Variants in MCM9 observed in about 807,000 individuals in gnomAD.
The protein encoded by MCM9 is minichromosome maintenance 9 homologous recombination repair factor, also known as DNA helicase MCM9.
MCM9 carries 55 observed loss-of-function variants against 72.8 expected under a neutral mutation model. The observed-to-expected ratio is 0.76, with a 90% CI of 0.61 to 0.95. The LOEUF (loss-of-function observed/expected upper bound fraction) is 0.95. Ranked by LOEUF, MCM9 falls within the 40% of genes least tolerant of loss-of-function variation. The probability of loss-of-function intolerance (pLI) is 0.00; values close to 1 mark genes in which losing one functional copy is unlikely to be tolerated. For missense variants in MCM9, 1,279 were observed against 1,377.0 expected, an observed-to-expected ratio of 0.93 and a Z score of 1.13; for synonymous variants, 480 against 503.4, an observed-to-expected ratio of 0.95 and a Z score of 0.62.
At chr6:118,856,711 T>G (rs141059312) in intron 8 of MCM9, among the ~76,000 whole-genome samples, 166 bp from the exon 9 acceptor site, 1,571 of 152,236 alleles carry the variant, frequency 0.01, 29 homozygotes, top group African/African-American at 0.036. Flanking sequence ...AAACCTTGTC[T>G]CTACAAATAA....
chr6:118,815,392 A>G lies in MCM9; in HGVS notation c.2864T>C (p.Ile955Thr). 7.7e-6 allele frequency: 12 copies of G among 1,550,320 alleles called. No individual in the cohort carries two copies. Among genetic ancestry groups the G allele is most frequent in the Non-Finnish European group, 1.0e-5 (12 of 1,146,716 alleles). Residue 955 changes from isoleucine to threonine, a missense_variant, in exon 14 of 14, where the codon ATT becomes ACT. Ile to Thr is a moderately conservative substitution (Grantham distance 89). Coordinates refer to ENST00000619706, the MANE Select transcript of MCM9 (RefSeq NM_017696.3). ...GTCTCTTCTTGTTCTACGCTGGGAA[A>G]TTTTAGGACTATGAACTGCTATTTT... ...ATKIAVHSPK[I>T]SQRRTRRDAA...
chr6:118,829,652 T>C (rs1774395656), intron 9 of MCM9, among the ~76,000 whole-genome samples: 1 of 152,180 alleles, frequency 6.6e-6, no homozygotes, highest in South Asian at 2.1e-4. Flanking sequence ...TTCATCTATG[T>C]GGATAGAAAA....
Position 118,815,579 on chromosome 6 carries a change from T to C in MCM9, c.2677A>G (p.Arg893Gly). 6.5e-7 allele frequency: 1 copy of C among 1,550,372 alleles called. No homozygotes were observed. The highest frequency in any genetic ancestry group is 8.7e-7 in the Non-Finnish European group (1 of 1,146,886). ...SPDRMLDSPK[R>G]KRPKSLAQVE... Reference sequence around the variant, plus strand: ...TGCGCAAGGGATTTCGGTCTCTTTCTTTTGGGTGAGTCCAGCATTCTGTCT... The same window carrying C: ...TGCGCAAGGGATTTCGGTCTCTTTCCTTTGGGTGAGTCCAGCATTCTGTCT... The change falls in exon 14 of 14, where the codon AGA becomes GGA. Residue 893 changes from arginine to glycine, a missense_variant. Arg to Gly is a moderately radical substitution (Grantham distance 125). Coordinates refer to ENST00000619706, the MANE Select transcript of MCM9 (RefSeq NM_017696.3).
At chr6:118,922,391 AG>A (rs886645275) in intron 4 of MCM9, among the ~76,000 whole-genome samples, 4 of 152,212 alleles carry the variant, frequency 2.6e-5, no homozygotes, top group African/African-American at 9.6e-5. Context: ...TCTAGAAAAG[AG>A]GGGTATTTCT....
chr6:118,924,937 G>C (rs535526706), intron 3 of MCM9, among the ~76,000 whole-genome samples: 1 of 152,002 alleles, frequency 6.6e-6, no homozygotes, highest in East Asian at 1.9e-4. Context: ...CCAGCAACTC[G>C]GTAGGGCTGA....
intron 9 of MCM9, among the ~76,000 whole-genome samples, chr6:118,838,464 G>A (rs36159980): frequency 0.7 from 102,291 of 146,996 alleles, 36,533 homozygotes; most frequent in South Asian, 0.78. Context: ...CGGCTTTTTT[G>A]TATTTTTATT....
At chr6:118,835,585 C>A (rs1051593335) in intron 9 of MCM9, among the ~76,000 whole-genome samples, 2 of 152,072 alleles carry the variant, frequency 1.3e-5, no homozygotes, top group South Asian at 4.1e-4. Context: ...AAGTTGTATT[C>A]CTAGGTATTT....
intron 9 of MCM9, among the ~76,000 whole-genome samples, chr6:118,838,670 C>T (rs532288717): frequency 9.2e-5 from 14 of 152,318 alleles, no homozygotes; most frequent in South Asian, 2.1e-4. Context: ...ATCCGCCCGC[C>T]GCAGCCTCCC....
intron 9 of MCM9, among the ~76,000 whole-genome samples, chr6:118,838,884 G>A (rs1775159524): frequency 6.6e-6 from 1 of 152,076 alleles, no homozygotes; most frequent in African/African-American, 2.4e-5. Flanking sequence ...TTTCAACCTT[G>A]GTGAATCTGA....
chr6:118,826,360 G>C (rs778273842), intron 12 of MCM9, 68 bp from the exon 13 acceptor site: 1 of 1,470,610 alleles, frequency 6.8e-7, no homozygotes, highest in African/African-American at 1.4e-5. Flanking sequence ...ACACTCTAGG[G>C]ACCAGCAATC....
intron 8 of MCM9, among the ~76,000 whole-genome samples, chr6:118,874,959 C>T (rs1439438072): frequency 6.6e-6 from 1 of 152,132 alleles, no homozygotes; most frequent in Admixed American, 6.5e-5. Flanking sequence ...ATTAAAAATA[C>T]AAAACCAGCT....
chr6:118,866,963 T>G lies in MCM9; in HGVS notation c.1151-10418A>C, dbSNP rs190011357. On this transcript the variant is annotated intron_variant, in intron 8 of 13. Transcript: ENST00000619706. ...CATCACATACAAAAGAACCTTCTCA[T>G]AAGACTATCAGTGGATTTCTCAAGA... is the stretch of plus-strand genomic sequence containing the variant. 1.6e-4 allele frequency among the ~76,000 whole-genome samples: 24 copies of G among 151,966 alleles called. No homozygotes were observed. In the East Asian group the frequency reaches 4.6e-3, roughly 29 times the overall value.
At chr6:118,888,737 T>C (rs1261884325) in intron 8 of MCM9, among the ~76,000 whole-genome samples, 3 of 152,070 alleles carry the variant, frequency 2.0e-5, no homozygotes, top group African/African-American at 7.2e-5. Flanking sequence ...GGAAAATTAT[T>C]GGGTAATAAA....
chr6:118,847,358 G>T (rs1208885181), intron 9 of MCM9, among the ~76,000 whole-genome samples: 1 of 144,920 alleles, frequency 6.9e-6, no homozygotes, highest in African/African-American at 2.6e-5. Context: ...CTATTTGGGC[G>T]ATGGGCCCTA....
At chr6:118,930,885 A>G (rs1782367005) in intron 3 of MCM9, among the ~76,000 whole-genome samples, 1 of 152,240 alleles carries the variant, frequency 6.6e-6, no homozygotes, top group East Asian at 1.9e-4. Context: ...CAGGAATTCA[A>G]GGATACAGCT....
Position 118,913,356 on chromosome 6 carries a change from A to G in MCM9, c.969T>C (p.Ala323=). The change falls in exon 7 of 14, where the codon GCT becomes GCC. Residue 323 remains alanine (A), a synonymous_variant. Transcript: ENST00000619706. The part of the protein sequence containing the change: ...QVFGMYLVKL[A]VAMVLAGGIQ... ...TCCCACCAGCCAGCACCATGGCCAC[A>G]GCAAGCTTTACTAGATACATTCCAA... The G allele has an allele frequency of 6.2e-7, 1 of 1,614,178 alleles. No individual in the cohort carries two copies. The highest frequency in any genetic ancestry group is 8.5e-7 in the Non-Finnish European group (1 of 1,180,016).
intron 8 of MCM9, among the ~76,000 whole-genome samples, chr6:118,896,451 G>A (rs1284114017): frequency 6.6e-5 from 10 of 152,120 alleles, no homozygotes; most frequent in Admixed American, 6.5e-4. Flanking sequence ...GACTCAGGAT[G>A]TCGTTACAGG....
In MCM9 at chr6:118,843,706, A is replaced by ATG. The variant is rs1380895703; in HGVS notation, c.1325+12663_1325+12664dup. Among the ~76,000 whole-genome samples, 367 of 72,106 alleles carry ATG rather than the reference A, an allele frequency of 5.1e-3. 4 individuals are homozygous for ATG. Among genetic ancestry groups the ATG allele is most frequent in the Non-Finnish European group, 7.4e-3 (291 of 39,128 alleles). The allele number at this position is 72,106 out of a possible 152,430, so 47.3% of individuals were successfully genotyped here. ...TATATGTGTATATATATATATATGT[A>ATG]TGTATATATATATGTATATATATAT... On this transcript the variant is annotated intron_variant, in intron 9 of 13. Transcript: ENST00000619706.
At chr6:118,911,352 G>A in intron 8 of MCM9, 2 of 1,091,624 alleles carry the variant, frequency 1.8e-6, no homozygotes, top group Non-Finnish European at 2.2e-6. Context: ...CAGTTGCTGA[G>A]TCTTGATAAA....
Sources: allele counts gnomAD v4.1 joint callset (sites outside exome capture counted in the v4.1 genomes callset), GRCh38; gene constraint gnomAD v4.1.1; transcripts MANE v1.5; gene names NCBI Gene and HGNC (gene_info 2026-07-23, HGNC 2026-07-21).